Variants in LDLRAD4 observed in about 807,000 individuals in gnomAD.
LDLRAD4 encodes low density lipoprotein receptor class A domain containing 4, also known as low-density lipoprotein receptor class A domain-containing protein 4.
In LDLRAD4, 5 loss-of-function variants were observed where a neutral mutation model predicts 17.0. That is an observed-to-expected ratio of 0.29 (90% confidence interval 0.15 to 0.62). LDLRAD4 has a LOEUF of 0.62. Ranked by LOEUF, LDLRAD4 falls within the 20% of genes least tolerant of loss-of-function variation. The pLI, the probability that LDLRAD4 is intolerant of heterozygous loss-of-function variation, is 0.84. For missense variants in LDLRAD4, 340 were observed against 424.7 expected (o/e 0.80, Z 1.75); for synonymous variants, 168 against 171.8 (o/e 0.98, Z 0.17).
intron 4 of LDLRAD4, among the ~76,000 whole-genome samples, chr18:13,637,827 C>G (rs186366987): frequency 1.3e-5 from 2 of 150,080 alleles, no homozygotes; most frequent in Admixed American, 1.3e-4. Flanking sequence ...GATCATGCCA[C>G]TGCACTCCAG....
At chr18:13,352,663 A>G (rs1382343544) in intron 1 of LDLRAD4, among the ~76,000 whole-genome samples, 1 of 152,016 alleles carries the variant, frequency 6.6e-6, no homozygotes, top group African/African-American at 2.4e-5. Context: ...TATTCCTTCA[A>G]ATAATATCTT....
intron 3 of LDLRAD4, among the ~76,000 whole-genome samples, chr18:13,496,003 C>T (rs562500454): frequency 7.2e-5 from 11 of 152,134 alleles, no homozygotes; most frequent in Non-Finnish European, 1.6e-4. Context: ...ACTGCAGGTT[C>T]TTCTGGCGCT....
chr18:13,516,370 T>G (rs1164174153), intron 3 of LDLRAD4, among the ~76,000 whole-genome samples: 1 of 152,166 alleles, frequency 6.6e-6, no homozygotes, highest in Non-Finnish European at 1.5e-5. Flanking sequence ...TTACAGGAAG[T>G]TCTAGCCCTG....
intron 1 of LDLRAD4, among the ~76,000 whole-genome samples, chr18:13,378,274 CTG>C (rs1041434554): frequency 2.6e-5 from 4 of 152,194 alleles, no homozygotes; most frequent in Non-Finnish European, 4.4e-5. Flanking sequence ...TCCCTGCACT[CTG>C]TGACAGCTGC....
intron 2 of LDLRAD4, among the ~76,000 whole-genome samples, chr18:13,388,382 G>A (rs772998480): frequency 6.6e-5 from 10 of 152,184 alleles, no homozygotes; most frequent in Non-Finnish European, 1.3e-4. Flanking sequence ...TCTGATTCAT[G>A]TAACATTCCA....
At position 13,299,465 on chromosome 18, in the gene LDLRAD4, C is replaced by T. The variant is rs117481877; in HGVS notation, c.-383+21277C>T. Among the ~76,000 whole-genome samples the T allele has an allele frequency of 4.7e-3, 715 of 152,268 alleles. 6 individuals are homozygous for T. The highest frequency in any genetic ancestry group is 7.7e-3 in the Non-Finnish European group (527 of 68,026). ...CCTATGGAACTGGGACAAGAGCACTCGTGAGCCCTGAGTTTGAGACTAAAG... is the reference window on the plus strand; with the variant it reads ...CCTATGGAACTGGGACAAGAGCACTTGTGAGCCCTGAGTTTGAGACTAAAG... On this transcript the variant is annotated intron_variant, in intron 1 of 5. Transcript: ENST00000359446.
Position 13,259,374 on chromosome 18 carries a change from C to T in LDLRAD4, c.-466-18731C>T, listed in dbSNP as rs187572150. On this transcript the variant is annotated intron_variant, in intron 1 of 5. Coordinates refer to the LDLRAD4 transcript ENST00000399848. ...ATTTTTTGGTAAAGACAGGGTCTCA[C>T]TGTGTTGTCCAGGCTGGTCTCAAAC... is the stretch of plus-strand genomic sequence containing the variant. 2.1e-4 allele frequency among the ~76,000 whole-genome samples: 32 copies of T among 152,302 alleles called. No homozygotes were observed. In the East Asian group the frequency reaches 5.2e-3, roughly 25 times the overall value.
At chr18:13,380,462 T>A (rs1201972370) in intron 1 of LDLRAD4, among the ~76,000 whole-genome samples, 1 of 152,202 alleles carries the variant, frequency 6.6e-6, no homozygotes, top group African/African-American at 2.4e-5. Flanking sequence ...ATCTTCAACC[T>A]GTCCCCTCTC....
exon 2 of LDLRAD4, chr18:13,387,531 G>GCCCAGGTGCCACA: frequency 1.8e-6 from 1 of 548,058 alleles, no homozygotes; most frequent in Non-Finnish European, 3.2e-6. Flanking sequence ...GACCGCCGCC[G>GCCCAGGTGCCACA]CCCAGGTGCC....
At chr18:13,234,452 C>G (rs1201778470) in intron 1 of LDLRAD4, among the ~76,000 whole-genome samples, 1 of 61,864 alleles carries the variant, frequency 1.6e-5, no homozygotes, top group East Asian at 2.5e-4. Flanking sequence ...CATCGGGCTG[C>G]CAGGACTGTT....
At position 13,395,850 on chromosome 18, in the gene LDLRAD4, C is replaced by T. The variant is rs1415117530; in HGVS notation, c.40+8088C>T. Among the ~76,000 whole-genome samples, 3 of 152,060 alleles carry T rather than the reference C, an allele frequency of 2.0e-5. No homozygotes were observed. The East Asian group carries it at 5.8e-4, about 29-fold the overall frequency. ...GTGGGAATCAATCTCCAGCACAAGA[C>T]ATCCCCTCTGGTTCCTTATATCCGG... On this transcript the variant is annotated intron_variant, in intron 2 of 5. Coordinates refer to ENST00000359446, the Ensembl canonical transcript of LDLRAD4.
intron 3 of LDLRAD4, among the ~76,000 whole-genome samples, chr18:13,470,183 A>G (rs1247798071): frequency 6.6e-6 from 1 of 152,150 alleles, no homozygotes; most frequent in Non-Finnish European, 1.5e-5. Context: ...AGGGGTGCAC[A>G]TGCAGACCTT....
At chr18:13,628,134 C>T (rs1227677990) in intron 4 of LDLRAD4, among the ~76,000 whole-genome samples, 3 of 152,172 alleles carry the variant, frequency 2.0e-5, no homozygotes, top group Non-Finnish European at 4.4e-5. Context: ...AGCGCTGGCT[C>T]GCTGTGCCCT....
At chr18:13,343,926 G>A (rs1349625810) in intron 1 of LDLRAD4, among the ~76,000 whole-genome samples, 1 of 152,152 alleles carries the variant, frequency 6.6e-6, no homozygotes, top group Non-Finnish European at 1.5e-5. Context: ...TTTTGATGGG[G>A]TTATTTGTTT....
At chr18:13,272,174 G>A (rs1448313738) in intron 1 of LDLRAD4, among the ~76,000 whole-genome samples, 1 of 152,140 alleles carries the variant, frequency 6.6e-6, no homozygotes. Flanking sequence ...GATTACAGGC[G>A]TGAGCCACCA....
chr18:13,634,162 C>A (rs552258949), intron 4 of LDLRAD4, among the ~76,000 whole-genome samples: 7 of 152,184 alleles, frequency 4.6e-5, no homozygotes, highest in East Asian at 1.9e-4. Flanking sequence ...GACAAGGATG[C>A]CTGCTTTCAC....
intron 3 of LDLRAD4, among the ~76,000 whole-genome samples, chr18:13,493,291 C>CT (rs1209276270): frequency 1.3e-5 from 2 of 152,152 alleles, no homozygotes; most frequent in Admixed American, 6.5e-5. Context: ...CCTGGTTCTC[C>CT]TTTTTAGTCG....
At chr18:13,301,672 A>T (rs532776657) in intron 1 of LDLRAD4, among the ~76,000 whole-genome samples, 1 of 152,216 alleles carries the variant, frequency 6.6e-6, no homozygotes, top group Non-Finnish European at 1.5e-5. Flanking sequence ...CCTCTCCTTA[A>T]TGGATTGTAA....
At chr18:13,546,178 T>C (rs2094359276) in intron 3 of LDLRAD4, among the ~76,000 whole-genome samples, 3 of 151,960 alleles carry the variant, frequency 2.0e-5, no homozygotes, top group Admixed American at 6.6e-5. Context: ...GATGGAGAGA[T>C]GGGTGCATTC....
Sources: allele counts gnomAD v4.1 joint callset (sites outside exome capture counted in the v4.1 genomes callset), GRCh38; gene constraint gnomAD v4.1.1; transcripts MANE v1.5; gene names NCBI Gene and HGNC (gene_info 2026-07-23, HGNC 2026-07-21).